MACROD2: variants seen among roughly 807,000 people sequenced by gnomAD.
MACROD2 encodes the protein ADP-ribose glycohydrolase MACROD2.
A neutral mutation model predicts 70.4 loss-of-function variants in MACROD2; 36 were observed. That is an observed-to-expected ratio of 0.51 (90% CI 0.39 to 0.68). The LOEUF (loss-of-function observed/expected upper bound fraction) is 0.68. Among genes scored for constraint, MACROD2 ranks in the 30% least tolerant of loss-of-function variants. MACROD2 has a pLI of 0.00. For synonymous variants in MACROD2, 172 were observed against 178.8 expected (o/e 0.96, Z 0.30); for missense variants, 496 against 538.4 (o/e 0.92, Z 0.78).
At chr20:15,834,874 C>A (rs2191521) in intron 8 of MACROD2, among the ~76,000 whole-genome samples, 1 of 152,046 alleles carries the variant, frequency 6.6e-6, no homozygotes, top group African/African-American at 2.4e-5. Flanking sequence ...ATGAATATCG[C>A]ACTCCCCTCC....
chr20:15,889,535 A>C (rs2064862964), intron 10 of MACROD2, among the ~76,000 whole-genome samples: 1 of 152,180 alleles, frequency 6.6e-6, no homozygotes, highest in Non-Finnish European at 1.5e-5. Flanking sequence ...GGAGCATTTC[A>C]GATGGTATCA....
chr20:14,539,176 A>G (rs2085401711), intron 4 of MACROD2, among the ~76,000 whole-genome samples: 1 of 152,204 alleles, frequency 6.6e-6, no homozygotes, highest in African/African-American at 2.4e-5. Flanking sequence ...AATTATCTCA[A>G]TTGTGTACAA....
At chr20:14,622,006 C>T (rs1239625220) in intron 4 of MACROD2, 1 of 151,928 alleles carries the variant, frequency 6.6e-6, no homozygotes, top group Non-Finnish European at 1.5e-5. Context: ...TTCCTGCTTA[C>T]CTAATAGGCT....
At chr20:15,065,528 G>C (rs1275094974) in intron 5 of MACROD2, among the ~76,000 whole-genome samples, 7 of 151,906 alleles carry the variant, frequency 4.6e-5, no homozygotes, top group African/African-American at 1.7e-4. Context: ...GGTGGCAGCG[G>C]CTGTAGTCCC....
At chr20:14,458,249 C>G (rs1325719940) in intron 3 of MACROD2, among the ~76,000 whole-genome samples, 4 of 152,160 alleles carry the variant, frequency 2.6e-5, no homozygotes, top group Admixed American at 6.5e-5. Flanking sequence ...TAAATATTAA[C>G]TTTCCAATTA....
intron 8 of MACROD2, among the ~76,000 whole-genome samples, chr20:15,534,969 A>G (rs74350682): frequency 0.037 from 5,684 of 152,194 alleles, 128 homozygotes; most frequent in South Asian, 0.11. Context: ...AATCAAATAT[A>G]AAAAACATAT....
chr20:14,352,833 A>G (rs1042440208), intron 3 of MACROD2, among the ~76,000 whole-genome samples: 7 of 152,074 alleles, frequency 4.6e-5, no homozygotes, highest in Middle Eastern at 3.4e-3. Flanking sequence ...TAGAACAACA[A>G]TGCACCACCC....
At chr20:15,851,960 AT>A (rs953941526) in intron 8 of MACROD2, among the ~76,000 whole-genome samples, 13 of 152,124 alleles carry the variant, frequency 8.5e-5, no homozygotes, top group Non-Finnish European at 1.5e-5. Flanking sequence ...AAGAAAGCCC[AT>A]TTTTTATCTT....
intron 4 of MACROD2, chr20:14,623,096 A>T (rs775150066): frequency 6.6e-6 from 1 of 150,936 alleles, no homozygotes; most frequent in Non-Finnish European, 1.5e-5. Context: ...CCTTGTTTTG[A>T]TGAGGAAACT....
At chr20:14,264,929 A>G (rs1324138668) in intron 3 of MACROD2, among the ~76,000 whole-genome samples, 1 of 152,202 alleles carries the variant, frequency 6.6e-6, no homozygotes, top group Admixed American at 6.5e-5. Flanking sequence ...GCAAATAATA[A>G]CCAGAATGCA....
At chr20:15,045,227 T>C (rs1199669672) in intron 5 of MACROD2, among the ~76,000 whole-genome samples, 1 of 152,166 alleles carries the variant, frequency 6.6e-6, no homozygotes, top group Non-Finnish European at 1.5e-5. Context: ...AAGACCCTAA[T>C]CAGAAAACAC....
chr20:15,681,427 T>G (rs931705265), intron 8 of MACROD2, among the ~76,000 whole-genome samples: 4 of 152,212 alleles, frequency 2.6e-5, no homozygotes, highest in Admixed American at 2.6e-4. Flanking sequence ...GCTGAAGTCT[T>G]TGAATAGGCA....
chr20:14,017,585 C>T (rs1318381494), intron 2 of MACROD2, among the ~76,000 whole-genome samples: 1 of 152,090 alleles, frequency 6.6e-6, no homozygotes, highest in Non-Finnish European at 1.5e-5. Context: ...ATGTAGTTCA[C>T]ATCCTTCATT....
At chr20:14,442,139 G>T (rs2084130943) in intron 3 of MACROD2, among the ~76,000 whole-genome samples, 1 of 151,988 alleles carries the variant, frequency 6.6e-6, no homozygotes, top group Non-Finnish European at 1.5e-5. Context: ...GTGTGGTGGT[G>T]CTCACCTGTA....
chr20:15,115,800 T>G (rs936669912), intron 5 of MACROD2, among the ~76,000 whole-genome samples: 1 of 152,124 alleles, frequency 6.6e-6, no homozygotes, highest in African/African-American at 2.4e-5. Context: ...AACATAATTT[T>G]TTAAACTAGG....
At chr20:14,712,475 G>A (rs182980350) in intron 5 of MACROD2, among the ~76,000 whole-genome samples, 4 of 152,114 alleles carry the variant, frequency 2.6e-5, no homozygotes, top group South Asian at 2.1e-4. Flanking sequence ...CCTGATACAC[G>A]TTGAATGCCC....
chr20:14,965,424 C>T (rs116440875), intron 5 of MACROD2, among the ~76,000 whole-genome samples: 2,966 of 148,434 alleles, frequency 0.02, 104 homozygotes, highest in African/African-American at 0.068. Flanking sequence ...TGTTTCCAAC[C>T]TAGGGACGGC....
rs569869237 is a variant in MACROD2 at position 14,726,002 on chromosome 20, A to G, written c.418+41043A>G. Among the ~76,000 whole-genome samples the G allele has an allele frequency of 4.6e-4, 70 of 152,300 alleles. 1 individual carries two copies. The highest frequency in any genetic ancestry group is 1.7e-3 in the African/African-American group (69 of 41,568). On this transcript the variant is annotated intron_variant, in intron 5 of 17. Transcript: ENST00000684519. ...GTCCCTTACGTGACTGGCTCTCATC[A>G]TTATACCTTTCTTCATTGAAATATT...
chr20:14,115,105 TCTC>T (rs1428242313), intron 3 of MACROD2, among the ~76,000 whole-genome samples: 2 of 152,112 alleles, frequency 1.3e-5, no homozygotes, highest in African/African-American at 4.8e-5. Context: ...TGTTTGATTT[TCTC>T]CTCCTTTCCT....
Sources: gnomAD v4.1 joint callset for allele counts (sites outside exome capture counted in the v4.1 genomes callset) on GRCh38, gnomAD v4.1.1 for gene constraint, MANE v1.5 for transcripts, NCBI Gene and HGNC (gene_info 2026-07-23, HGNC 2026-07-21) for gene names.